The following AHRR variants were observed in gnomAD, a reference collection of about 807,000 sequenced individuals.
The protein encoded by AHRR is ahR repressor.
AHRR carries 28 observed loss-of-function variants against 44.0 expected under a neutral mutation model. The observed-to-expected ratio is 0.64, with a 90% confidence interval of 0.47 to 0.87. The LOEUF is 0.87. Among genes scored for constraint, AHRR ranks in the 40% least tolerant of loss-of-function variants. The pLI, the probability that AHRR is intolerant of heterozygous loss-of-function variation, is 0.00. For synonymous variants in AHRR, 434 were observed against 407.0 expected (o/e 1.07, Z -0.80); for missense variants, 990 against 953.9 (o/e 1.04, Z -0.50).
chr5:398,458 G>A (rs1482441567), intron 4 of AHRR, among the ~76,000 whole-genome samples: 1 of 152,208 alleles, frequency 6.6e-6, no homozygotes, highest in African/African-American at 2.4e-5. Context: ...GTTAGCCTCT[G>A]ACCATCTGTG....
In AHRR at chr5:427,914, C is replaced by T. The variant is rs761611426; in HGVS notation, c.816C>T (p.Pro272=). The T allele has an allele frequency of 7.4e-6, 12 of 1,614,120 alleles. No homozygotes were observed. The highest frequency in any genetic ancestry group is 1.1e-5 in the South Asian group (1 of 91,086). ...TGTCGCTGTTCTGCATTGCGGCACC[C>T]GTTCTCCTCCCCTCCGCAGCGGAGA... The part of the protein sequence containing the change: ...PRLSLFCIAA[P]VLLPSAAEMK... Residue 272 remains proline (P), a synonymous_variant, in exon 8 of 11, where the codon CCC becomes CCT. Coordinates refer to ENST00000684583, the MANE Select transcript of AHRR (RefSeq NM_001377236.1).
rs1490654817 is a variant in AHRR, at chr5:342,945, G to A, written c.-10-948G>A. 5.3e-5 allele frequency among the ~76,000 whole-genome samples: 8 copies of A among 152,214 alleles called. No homozygotes were observed. The highest frequency in any genetic ancestry group is 1.3e-4 in the Admixed American group (2 of 15,276). On this transcript the variant is annotated intron_variant, in intron 1 of 10. Transcript: ENST00000684583. This position sits in a 1 kb window ranked among gnomAD's most constrained non-coding sequence, Gnocchi z 4.3. ...GGGTGTAGTCAGCTGGACTCAGGGC[G>A]CTGTGAGCTAGTGACTTAAGTGGAA...
chr5:403,532 A>C (rs1735115639), intron 4 of AHRR, among the ~76,000 whole-genome samples: 1 of 151,410 alleles, frequency 6.6e-6, no homozygotes, highest in Non-Finnish European at 1.5e-5. Context: ...GCTACTCGGG[A>C]GGCTGCAGCA....
intron 2 of AHRR, among the ~76,000 whole-genome samples, chr5:352,572 G>A (rs1742894462): frequency 7.4e-6 from 1 of 135,810 alleles, no homozygotes; most frequent in Non-Finnish European, 1.6e-5. Flanking sequence ...TAGGTCAGCT[G>A]TAGGGGATGG....
At chr5:376,552 A>ATGAGAACCGTGGGGGGAACGCGGG in intron 3 of AHRR, 58 bp from the exon 4 acceptor site, 1 of 1,409,240 alleles carries the variant, frequency 7.1e-7, no homozygotes, top group Non-Finnish European at 9.6e-7. Flanking sequence ...ATGTGAATGA[A>ATGAGAACCGTGGGGGGAACGCGGG]GAAGAGTGGC....
Position 388,988 on chromosome 5 carries a change from G to A in AHRR, c.351+12272G>A, listed in dbSNP as rs536317549. 6.6e-6 allele frequency among the ~76,000 whole-genome samples: 1 copy of A among 152,302 alleles called. No individual in the cohort carries two copies. The highest frequency in any genetic ancestry group is 2.4e-5 in the African/African-American group (1 of 41,566). ...CCCCAAGCAGTTGTCACCTGAACGGGAGGGCTGGCTGGGGCTCAGGGCTGT... is the reference window on the plus strand; with the variant it reads ...CCCCAAGCAGTTGTCACCTGAACGGAAGGGCTGGCTGGGGCTCAGGGCTGT... On this transcript the variant is annotated intron_variant, in intron 4 of 10. Transcript: ENST00000684583. The surrounding 1 kb of genome is among the most constrained non-coding windows in gnomAD (Gnocchi z 5.2).
At chr5:323,120 G>A (rs1202667001) in intron 1 of AHRR, among the ~76,000 whole-genome samples, 3 of 152,196 alleles carry the variant, frequency 2.0e-5, no homozygotes, top group Admixed American at 6.5e-5. Context: ...CCCCGGCTGA[G>A]CCCCTGGCTG....
In AHRR at chr5:383,994, TC is replaced by T. The variant is rs1734080884; in HGVS notation, c.351+7279del. Among the ~76,000 whole-genome samples, 1 of 152,178 alleles carries T rather than the reference TC, an allele frequency of 6.6e-6. No homozygotes were observed. The highest frequency in any genetic ancestry group is 1.5e-5 in the Non-Finnish European group (1 of 68,038). Reference sequence around the variant, plus strand: ...ATGTAAGTTGGGCCTTGATTTTTTTTCAATCAAGTCTGACAATCTCTGTCTT... The same window carrying T: ...ATGTAAGTTGGGCCTTGATTTTTTTTAATCAAGTCTGACAATCTCTGTCTT... On this transcript the variant is annotated intron_variant, in intron 4 of 10. Transcript: ENST00000684583. This position sits in a 1 kb window ranked among gnomAD's most constrained non-coding sequence, Gnocchi z 4.0.
At chr5:374,829 G>T (rs1743721665) in intron 3 of AHRR, among the ~76,000 whole-genome samples, 2 of 152,224 alleles carry the variant, frequency 1.3e-5, no homozygotes, top group African/African-American at 4.8e-5. Flanking sequence ...TGGCCTTTCT[G>T]GTGGAGGGTG....
intron 3 of AHRR, among the ~76,000 whole-genome samples, chr5:360,986 G>A (rs549439663): frequency 9.5e-4 from 144 of 152,242 alleles, no homozygotes; most frequent in African/African-American, 3.2e-3. Flanking sequence ...GTACGGTGGC[G>A]CACACCTGTA....
chr5:424,713 G>C (rs1736307882), intron 7 of AHRR, among the ~76,000 whole-genome samples: 1 of 152,206 alleles, frequency 6.6e-6, no homozygotes, highest in South Asian at 2.1e-4. Flanking sequence ...TCTGGCTGTG[G>C]CTGGCGTGAG....
rs1735465829 is a variant in AHRR at position 411,489 on chromosome 5, G to A, written c.352-1855G>A. On this transcript the variant is annotated intron_variant, in intron 4 of 10. Coordinates refer to ENST00000684583, the MANE Select transcript of AHRR (RefSeq NM_001377236.1). The surrounding 1 kb of genome is among the most constrained non-coding windows in gnomAD (Gnocchi z 4.2). ...AGTATTTCAAAAGCTCTTAGAAATT[G>A]ATACTTATAAACCCTAATAGAAAAA... is the stretch of plus-strand genomic sequence containing the variant. Among the ~76,000 whole-genome samples, 1 of 151,984 alleles carries A rather than the reference G, an allele frequency of 6.6e-6. No individual in the cohort carries two copies. The highest frequency in any genetic ancestry group is 2.1e-4 in the South Asian group (1 of 4,826).
Position 419,993 on chromosome 5 carries a change from G to A in AHRR, c.442-2736G>A, listed in dbSNP as rs2126526762. 6.6e-6 allele frequency among the ~76,000 whole-genome samples: 1 copy of A among 152,346 alleles called. No individual in the cohort carries two copies. The highest frequency in any genetic ancestry group is 2.4e-5 in the African/African-American group (1 of 41,578). ...TTTCTGGCCATCGGGATGTGGATGTGCATTTGTTAAACTTCTCACACGCTG... is the reference window on the plus strand; with the variant it reads ...TTTCTGGCCATCGGGATGTGGATGTACATTTGTTAAACTTCTCACACGCTG... On this transcript the variant is annotated intron_variant, in intron 5 of 10. Transcript: ENST00000684583. This position sits in a 1 kb window ranked among gnomAD's most constrained non-coding sequence, Gnocchi z 4.4.
intron 7 of AHRR, among the ~76,000 whole-genome samples, chr5:425,601 G>C (rs780918745): frequency 6.6e-6 from 1 of 152,148 alleles, no homozygotes; most frequent in Non-Finnish European, 1.5e-5. Context: ...TTTTAAAATT[G>C]TATAACCAAT....
At chr5:424,968 A>T (rs569612735) in intron 7 of AHRR, among the ~76,000 whole-genome samples, 35 of 152,340 alleles carry the variant, frequency 2.3e-4, no homozygotes, top group African/African-American at 7.9e-4. Context: ...GCCCTGGGTC[A>T]TGGCCCCTCA....
chr5:409,838 A>T (rs754426897), intron 4 of AHRR, among the ~76,000 whole-genome samples: 1 of 152,158 alleles, frequency 6.6e-6, no homozygotes, highest in African/African-American at 2.4e-5. Flanking sequence ...TGCTACCCAA[A>T]TCTACCTACC....
intron 3 of AHRR, among the ~76,000 whole-genome samples, chr5:365,892 C>T (rs530862603): frequency 1.3e-5 from 2 of 152,168 alleles, no homozygotes; most frequent in South Asian, 4.2e-4. Context: ...AATCTAGGCT[C>T]AGATAGCTTC....
intron 6 of AHRR, 140 bp downstream of exon 6, chr5:422,998 C>T: frequency 8.4e-7 from 1 of 1,184,164 alleles, no homozygotes; most frequent in Non-Finnish European, 1.2e-6. Context: ...TCTCACCTTT[C>T]TTCAGAGGCC....
At chr5:327,378 T>C (rs529826248) in intron 1 of AHRR, among the ~76,000 whole-genome samples, 1 of 152,344 alleles carries the variant, frequency 6.6e-6, no homozygotes, top group Admixed American at 6.5e-5. Flanking sequence ...CGGGCCCTTG[T>C]CACCCCCTCA....
Sources: gnomAD v4.1 joint callset for allele counts (sites outside exome capture counted in the v4.1 genomes callset) on GRCh38, gnomAD v4.1.1 for gene constraint, Gnocchi (gnomAD v3.1) non-coding constraint, MANE v1.5 for transcripts, NCBI Gene and HGNC (gene_info 2026-07-23, HGNC 2026-07-21) for gene names.